Variants in DDX4 observed in about 807,000 individuals in gnomAD.
The protein encoded by DDX4 is DEAD-box helicase 4.
DDX4 carries 25 observed loss-of-function variants against 100.0 expected under a neutral mutation model. That is an observed-to-expected ratio of 0.25 (90% CI 0.18 to 0.35). The LOEUF (loss-of-function observed/expected upper bound fraction) is 0.35, where lower values mean the gene tolerates loss of function less well. Among genes scored for constraint, DDX4 ranks in the 10% least tolerant of loss-of-function variants. The pLI, the probability that DDX4 is intolerant of heterozygous loss-of-function variation, is 1.00. For synonymous variants in DDX4, 259 were observed against 275.7 expected (o/e 0.94, Z 0.60); for missense variants, 635 against 882.4 (o/e 0.72, Z 3.55).
chr5:55,740,202 C>T (rs961717105), intron 2 of DDX4, among the ~76,000 whole-genome samples: 2 of 152,160 alleles, frequency 1.3e-5, no homozygotes, highest in Non-Finnish European at 2.9e-5. Flanking sequence ...CAGTGTCTTG[C>T]TCTGTCACCC....
At chr5:55,761,696 C>T (rs1580534472) in intron 4 of DDX4, among the ~76,000 whole-genome samples, 2 of 152,170 alleles carry the variant, frequency 1.3e-5, no homozygotes, top group African/African-American at 4.8e-5. Context: ...CAACCTTCAC[C>T]TCCCAGGTTC....
At chr5:55,809,038 G>C (rs112163150) in intron 18 of DDX4, among the ~76,000 whole-genome samples, 11,040 of 152,266 alleles carry the variant, frequency 0.073, 648 homozygotes, top group African/African-American at 0.16. Flanking sequence ...CCCTAGCTTC[G>C]CTGCTGCCTT....
Position 55,746,139 on chromosome 5 carries a change from GTTTTTTC to G in DDX4, c.70-21_70-15del, listed in dbSNP as rs753586401. 1.2e-5 allele frequency: 19 copies of G among 1,580,362 alleles called. 1 individual carries two copies. The highest frequency in any genetic ancestry group is 3.4e-4 in the Middle Eastern group (2 of 5,932). On this transcript the variant is annotated intron_variant, in intron 2 of 21. Transcript: ENST00000505374. ...CGTTCATATTCAAAGTAGGAAACTA[GTTTTTTC>G]TTTCTTCTTTCTCACAGGATAGGTA...
intron 7 of DDX4, among the ~76,000 whole-genome samples, chr5:55,769,863 C>CTT (rs1295092287): frequency 6.6e-6 from 1 of 150,746 alleles, no homozygotes; most frequent in East Asian, 1.9e-4. Context: ...ATAATGCCTT[C>CTT]TTTTACTTTT....
Position 55,750,644 on chromosome 5 carries a change from C to G in DDX4, c.127+4423C>G, listed in dbSNP as rs189204206. On this transcript the variant is annotated intron_variant, in intron 3 of 21. Coordinates refer to ENST00000505374, the MANE Select transcript of DDX4 (RefSeq NM_024415.3). ...ATATTTCTTCATTGGAACTCCATAA[C>G]TAATTGAAGGCAGGCTAGAGGCTGA... 6.8e-4 allele frequency among the ~76,000 whole-genome samples: 104 copies of G among 152,256 alleles called. 1 individual carries two copies. In the East Asian group the frequency reaches 0.016, roughly 23 times the overall value.
At chr5:55,776,239 A>G (rs1359000298) in intron 7 of DDX4, among the ~76,000 whole-genome samples, 1 of 152,244 alleles carries the variant, frequency 6.6e-6, no homozygotes, top group Middle Eastern at 3.2e-3. Context: ...TCAAAGATAA[A>G]TCTGTGGAAA....
chr5:55,767,634 ATAG>A (rs1348500939), intron 6 of DDX4, among the ~76,000 whole-genome samples: 2 of 152,178 alleles, frequency 1.3e-5, no homozygotes, highest in Non-Finnish European at 2.9e-5. Context: ...TGCTTGGCAA[ATAG>A]TAGGTTCTCA....
chr5:55,811,070 G>A (rs1744102439), intron 18 of DDX4, among the ~76,000 whole-genome samples: 1 of 144,724 alleles, frequency 6.9e-6, no homozygotes, highest in Non-Finnish European at 1.5e-5. Context: ...AATCTCTGCT[G>A]TCTAGGCTGA....
At chr5:55,790,802 G>A in intron 16 of DDX4, 97 bp downstream of exon 16, 1 of 1,076,304 alleles carries the variant, frequency 9.3e-7, no homozygotes, top group Non-Finnish European at 1.4e-6. Context: ...ATTTAGTAGA[G>A]CACTATTTAT....
intron 15 of DDX4, among the ~76,000 whole-genome samples, chr5:55,789,737 C>G (rs1296412600): frequency 6.6e-6 from 1 of 152,100 alleles, no homozygotes; most frequent in Admixed American, 6.6e-5. Context: ...AAATGAAACA[C>G]GGGATTCTTC....
chr5:55,751,847 AT>A (rs1759570627), intron 3 of DDX4, among the ~76,000 whole-genome samples: 2 of 152,192 alleles, frequency 1.3e-5, no homozygotes, highest in African/African-American at 4.8e-5. Context: ...AGTTTAAGAA[AT>A]TCTTCACCAT....
At chr5:55,757,252 C>A (rs1026427504) in intron 3 of DDX4, among the ~76,000 whole-genome samples, 2 of 152,136 alleles carry the variant, frequency 1.3e-5, no homozygotes, top group Non-Finnish European at 2.9e-5. Context: ...AGTCTTTTAT[C>A]CCTCACCCCT....
chr5:55,748,290 C>G (rs187130389), intron 3 of DDX4, among the ~76,000 whole-genome samples: 6 of 152,212 alleles, frequency 3.9e-5, no homozygotes, highest in Middle Eastern at 3.4e-3. Context: ...TCCAGAAAGA[C>G]AAATGGATAA....
intron 3 of DDX4, among the ~76,000 whole-genome samples, chr5:55,759,966 G>T (rs1011715738): frequency 1.3e-5 from 2 of 151,548 alleles, no homozygotes; most frequent in Non-Finnish European, 2.9e-5. Flanking sequence ...GTTAAAAATT[G>T]CTGTCTTTTG....
chr5:55,804,543 C>A (rs924263938), intron 18 of DDX4, among the ~76,000 whole-genome samples: 1 of 152,208 alleles, frequency 6.6e-6, no homozygotes, highest in Non-Finnish European at 1.5e-5. Flanking sequence ...CTTTTTATGG[C>A]TAGCCAGTTT....
At chr5:55,779,341 C>T (rs773302378) in intron 7 of DDX4, among the ~76,000 whole-genome samples, 11 of 152,102 alleles carry the variant, frequency 7.2e-5, no homozygotes, top group Non-Finnish European at 1.5e-4. Flanking sequence ...ATTCATCATT[C>T]TCTTTAAGTA....
At chr5:55,774,018 T>C (rs1037255941) in intron 7 of DDX4, among the ~76,000 whole-genome samples, 16 of 152,204 alleles carry the variant, frequency 1.1e-4, no homozygotes, top group Admixed American at 6.5e-4. Context: ...TGGAGAAATG[T>C]CTTTCAGATC....
At chr5:55,815,229 A>G (rs1744328186) in intron 20 of DDX4, 58 bp downstream of exon 20, 1 of 1,599,870 alleles carries the variant, frequency 6.3e-7, no homozygotes, top group African/African-American at 1.3e-5. Flanking sequence ...TTGAAAGTAG[A>G]CATTTTATGC....
In DDX4 at chr5:55,805,724, G is replaced by A. The variant is rs552579651; in HGVS notation, c.1615+7153G>A. 2.3e-3 allele frequency among the ~76,000 whole-genome samples: 356 copies of A among 152,312 alleles called. 1 individual carries two copies. Among genetic ancestry groups the A allele is most frequent in the African/African-American group, 8.3e-3 (346 of 41,564 alleles). On this transcript the variant is annotated intron_variant, in intron 18 of 21. Transcript: ENST00000505374. ...CTTGATGTGCTGCTGGATTCGGTTT[G>A]CCAGTATTTTCTTGAGGATTTTTGC...
Sources: gnomAD v4.1 joint callset for allele counts (sites outside exome capture counted in the v4.1 genomes callset) on GRCh38, gnomAD v4.1.1 for gene constraint, MANE v1.5 for transcripts, NCBI Gene and HGNC (gene_info 2026-07-23, HGNC 2026-07-21) for gene names.